Variants in PTDSS2 observed in about 807,000 individuals in gnomAD.
The protein encoded by PTDSS2 is phosphatidylserine synthase 2, also known as PSS-2.
PTDSS2 carries 41 observed loss-of-function variants against 64.7 expected under a neutral mutation model. The ratio of observed to expected loss-of-function variants is 0.63; its 90% CI spans 0.49 to 0.82. The LOEUF is 0.82. PTDSS2 is among the 40% of genes least tolerant of loss of function. The probability of loss-of-function intolerance (pLI) is 0.00; values close to 1 mark genes in which losing one functional copy is unlikely to be tolerated. For missense variants in PTDSS2, 485 were observed against 650.0 expected (o/e 0.75, Z 2.76); for synonymous variants, 297 against 277.8 (o/e 1.07, Z -0.69).
chr11:449,429 A>G (rs1409054182), upstream of PTDSS2, among the ~76,000 whole-genome samples: 1 of 152,198 alleles, frequency 6.6e-6, no homozygotes, highest in Non-Finnish European at 1.5e-5. Context: ...TCGCTCCTCT[A>G]TGGCTAATAA....
intron 3 of PTDSS2, among the ~76,000 whole-genome samples, chr11:475,586 CAT>C (rs1847767703): frequency 2.0e-5 from 3 of 152,220 alleles, no homozygotes; most frequent in Non-Finnish European, 4.4e-5. Flanking sequence ...TGTGTACAGA[CAT>C]ATTCACAGCC....
intron 3 of PTDSS2, among the ~76,000 whole-genome samples, chr11:474,993 ACATATTCACGAGTTTGTGTGATACG>A (rs1847673205): frequency 1.1e-5 from 1 of 94,568 alleles, no homozygotes; most frequent in African/African-American, 4.7e-5. Flanking sequence ...TGTGATACGG[ACATATTCACGAGTTTGTGTGATACG>A]GACATATTCA....
chr11:484,535 G>A (rs1315511752), intron 4 of PTDSS2, among the ~76,000 whole-genome samples: 1 of 151,574 alleles, frequency 6.6e-6, no homozygotes, highest in Non-Finnish European at 1.5e-5. Context: ...GCGCAGGAGA[G>A]TGTAAACAGT....
In PTDSS2 at chr11:470,033, A is replaced by G. The variant is rs1847346180; in HGVS notation, c.285-3862A>G. Among the ~76,000 whole-genome samples the G allele has an allele frequency of 6.6e-6, 1 of 152,192 alleles. No individual in the cohort carries two copies. Among genetic ancestry groups the G allele is most frequent in the Non-Finnish European group, 1.5e-5 (1 of 68,026 alleles). On this transcript the variant is annotated intron_variant, in intron 2 of 11. Transcript: ENST00000308020. This position sits in a 1 kb window ranked among gnomAD's most constrained non-coding sequence, Gnocchi z 5.3. The stretch of plus-strand genomic sequence containing the variant: ...TAAATAAACAGAGGGAACAAGACCA[A>G]CCTTCCCTGCAGAAGGTTTTCAGTA...
At chr11:484,513 T>C (rs1013455868) in intron 4 of PTDSS2, among the ~76,000 whole-genome samples, 5 of 151,870 alleles carry the variant, frequency 3.3e-5, no homozygotes, top group African/African-American at 9.7e-5. Context: ...CAGGGGTGCG[T>C]GTGTGCTGTG....
Position 460,410 on chromosome 11 carries a change from C to CCG in PTDSS2, c.284+122_284+123insCG. 1.4e-6 allele frequency: 1 copy of CCG among 738,642 alleles called. No individual in the cohort carries two copies. Among genetic ancestry groups the CCG allele is most frequent in the Non-Finnish European group, 2.3e-6 (1 of 428,392 alleles). The allele number at this position is 738,642 out of a possible 1,614,324, so 45.8% of individuals were successfully genotyped here. ...CCTTCACCAGAGGGCTGCGTGGGGC[C>CCG]GCCGGCCTCTCCCTTGAGTGTGTCT... is the stretch of plus-strand genomic sequence containing the variant. On this transcript the variant is annotated intron_variant, in intron 2 of 11. Coordinates refer to ENST00000308020, the MANE Select transcript of PTDSS2 (RefSeq NM_030783.3). This position sits in a 1 kb window ranked among gnomAD's most constrained non-coding sequence, Gnocchi z 5.8.
At chr11:450,710 G>A (rs1846276132) in intron 1 of PTDSS2, 73 bp downstream of exon 1, 1 of 1,193,994 alleles carries the variant, frequency 8.4e-7, no homozygotes, top group African/African-American at 1.6e-5. Context: ...CTGGCCTGGG[G>A]GTCCCCGGCA....
intron 3 of PTDSS2, among the ~76,000 whole-genome samples, chr11:474,463 G>A (rs1361162364): frequency 4.6e-5 from 7 of 151,912 alleles, no homozygotes; most frequent in African/African-American, 1.7e-4. Context: ...GGGGCTGTGA[G>A]GCCATGGGCG....
At position 489,737 on chromosome 11, in the gene PTDSS2, A is replaced by C. The variant is rs529034778; in HGVS notation, c.1115+4A>C. On this transcript the variant is annotated splice_donor_region_variant and intron_variant, in intron 10 of 11. Transcript: ENST00000308020. ...TCTACGACTTCATGGATGACCCGTG[A>C]GGGCTGCGGCAGTCCGGGTGGAGAC... 12 of 1,607,970 alleles carry C rather than the reference A, an allele frequency of 7.5e-6. No individual in the cohort carries two copies. The African/African-American group carries it at 1.6e-4, about 21-fold the overall frequency.
chr11:489,115 G>A (rs1224404859), intron 8 of PTDSS2, among the ~76,000 whole-genome samples: 1 of 152,232 alleles, frequency 6.6e-6, no homozygotes, highest in Non-Finnish European at 1.5e-5. Flanking sequence ...CCTCTGAGGC[G>A]CTGCAGCCAC....
In PTDSS2 at chr11:488,474, C is replaced by T. The variant is rs1459459861; in HGVS notation, c.736-55C>T. 1.1e-5 allele frequency: 16 copies of T among 1,499,996 alleles called. No individual in the cohort carries two copies. The Middle Eastern group carries it at 5.1e-4, about 48-fold the overall frequency. The allele number at this position is 1,499,996 out of a possible 1,614,324, so 92.9% of individuals were successfully genotyped here. A position where few individuals can be genotyped will look rare whatever the true frequency, so the allele number is the denominator to read the frequency against. ...TCCCCTGTGCTCTTCCGGGGTCCTCCTCGGGGGGCTCGTTACCCCTCACCC... is the reference window on the plus strand; with the variant it reads ...TCCCCTGTGCTCTTCCGGGGTCCTCTTCGGGGGGCTCGTTACCCCTCACCC... On this transcript the variant is annotated intron_variant, in intron 7 of 11. Transcript: ENST00000308020.
intron 2 of PTDSS2, among the ~76,000 whole-genome samples, chr11:471,568 G>A (rs1441776293): frequency 6.7e-6 from 1 of 148,308 alleles, no homozygotes; most frequent in Admixed American, 6.7e-5. Flanking sequence ...CACGCCTGTC[G>A]GGCGGAGGGC....
chr11:489,306 G>A (rs774892961), intron 8 of PTDSS2, 94 bp from the exon 9 acceptor site: 19 of 1,044,914 alleles, frequency 1.8e-5, no homozygotes, highest in East Asian at 1.0e-4. Context: ...GGCACAGGGC[G>A]GGGCCGGGTG....
rs554637934 is a variant in PTDSS2 at position 479,337 on chromosome 11, G to A, written c.435+185G>A. The stretch of plus-strand genomic sequence containing the variant: ...CATCTGTGCGGCCCTTGAGTGATGG[G>A]GGGCAGCAAAGCTAGACCTTCAAAA... On this transcript the variant is annotated intron_variant, in intron 4 of 11. Coordinates refer to ENST00000308020, the MANE Select transcript of PTDSS2 (RefSeq NM_030783.3). The surrounding 1 kb of genome is among the most constrained non-coding windows in gnomAD (Gnocchi z 4.2). The A allele has an allele frequency of 6.2e-6, 4 of 649,558 alleles. No homozygotes were observed. The Admixed American group carries it at 1.0e-4, about 17-fold the overall frequency. The allele number at this position is 649,558 out of a possible 1,614,324, so 40.2% of individuals were successfully genotyped here.
chr11:450,655 C>T lies in PTDSS2; in HGVS notation c.182+18C>T, dbSNP rs994022801. On this transcript the variant is annotated intron_variant, in intron 1 of 11. Transcript: ENST00000308020. ...TTCTTCTGGTGAGGGCAGTGGGCGG[C>T]CGCGGGGCGGCGAGGGTGCCCTCGA... 2.3e-5 allele frequency: 28 copies of T among 1,243,182 alleles called. No homozygotes were observed. The highest frequency in any genetic ancestry group is 2.6e-5 in the Non-Finnish European group (26 of 986,052). The allele number at this position is 1,243,182 out of a possible 1,614,324, so 77.0% of individuals were successfully genotyped here. A position where few individuals can be genotyped will look rare whatever the true frequency, so the allele number is the denominator to read the frequency against.
chr11:463,291 G>GCACA (rs1846980523), intron 2 of PTDSS2: 1 of 149,132 alleles, frequency 6.7e-6, no homozygotes. Flanking sequence ...GCAGTGGTGT[G>GCACA]ATCTCGGCTC....
chr11:468,709 G>A (rs1847251940), intron 2 of PTDSS2, among the ~76,000 whole-genome samples: 1 of 152,144 alleles, frequency 6.6e-6, no homozygotes, highest in South Asian at 2.1e-4. Flanking sequence ...CTGTGGGAGG[G>A]GAGTCTCTGG....
chr11:453,754 GGAC>G (rs951130538), intron 1 of PTDSS2, among the ~76,000 whole-genome samples: 2 of 152,244 alleles, frequency 1.3e-5, no homozygotes, highest in Non-Finnish European at 2.9e-5. Flanking sequence ...TTGGCCCTTT[GGAC>G]GACGACGCCG....
At chr11:464,984 C>G (rs959255053) in intron 2 of PTDSS2, among the ~76,000 whole-genome samples, 5 of 152,084 alleles carry the variant, frequency 3.3e-5, no homozygotes, top group Non-Finnish European at 7.4e-5. Context: ...AATACCGAGC[C>G]CAGAAACAGG....
Sources: allele counts gnomAD v4.1 joint callset (sites outside exome capture counted in the v4.1 genomes callset), GRCh38; gene constraint gnomAD v4.1.1; non-coding constraint Gnocchi (gnomAD v3.1); transcripts MANE v1.5; gene names NCBI Gene and HGNC (gene_info 2026-07-23, HGNC 2026-07-21).